The following MYO6 variants were observed in gnomAD, a reference collection of about 807,000 sequenced individuals.
The protein encoded by MYO6 is unconventional myosin-VI.
Under a neutral mutation model 178.7 loss-of-function variants are expected in MYO6, and 74 were observed. The ratio of observed to expected loss-of-function variants is 0.41; its 90% CI spans 0.34 to 0.50. MYO6 has a LOEUF of 0.50. Ranked by LOEUF, MYO6 falls within the 20% of genes least tolerant of loss-of-function variation. The probability of loss-of-function intolerance (pLI) is 0.09; values close to 1 mark genes in which losing one functional copy is unlikely to be tolerated. For missense variants in MYO6, 1,330 were observed against 1,547.4 expected (o/e 0.86, Z 2.36); for synonymous variants, 477 against 504.6 (o/e 0.95, Z 0.73).
chr6:75,835,106 C>T (rs142704562), intron 6 of MYO6, among the ~76,000 whole-genome samples: 26 of 152,196 alleles, frequency 1.7e-4, no homozygotes, highest in East Asian at 1.4e-3. Context: ...CCCAGTTGTT[C>T]GGAGGCAGAT....
chr6:75,786,678 TG>T (rs1240002917), intron 1 of MYO6, among the ~76,000 whole-genome samples: 2 of 152,230 alleles, frequency 1.3e-5, no homozygotes, highest in Non-Finnish European at 2.9e-5. Flanking sequence ...AGTGAATTCC[TG>T]CATACCCTTT....
chr6:75,900,836 A>G (rs1358133697), intron 30 of MYO6, among the ~76,000 whole-genome samples: 1 of 150,928 alleles, frequency 6.6e-6, no homozygotes, highest in Non-Finnish European at 1.5e-5. Flanking sequence ...GGTAATGCCT[A>G]GGTTTTCTTC....
intron 30 of MYO6, among the ~76,000 whole-genome samples, chr6:75,903,766 C>A (rs1257672996): frequency 1.3e-5 from 2 of 151,578 alleles, no homozygotes; most frequent in Non-Finnish European, 2.9e-5. Flanking sequence ...TTGATCCTGT[C>A]ATTATGATGT....
In MYO6 at chr6:75,914,796, A is replaced by T; in HGVS notation, c.3659-17A>T. The T allele has an allele frequency of 6.2e-7, 1 of 1,612,814 alleles. No individual in the cohort carries two copies. The highest frequency in any genetic ancestry group is 8.5e-7 in the Non-Finnish European group (1 of 1,178,808). The stretch of plus-strand genomic sequence containing the variant: ...TGAAGAGAGAGATGGTAATTTTCTG[A>T]TATCTCATGAATACAGGTAAGGACG... On this transcript the variant is annotated splice_polypyrimidine_tract_variant and intron_variant, in intron 34 of 34. Coordinates refer to ENST00000369977, the MANE Select transcript of MYO6 (RefSeq NM_004999.4).
chr6:75,898,233 G>C, intron 29 of MYO6, 140 bp from the exon 30 acceptor site: 1 of 562,728 alleles, frequency 1.8e-6, no homozygotes, highest in African/African-American at 1.9e-5. Context: ...TATATTCTAG[G>C]CATTAACAAA....
chr6:75,756,030 A>C (rs575624026), intron 1 of MYO6, among the ~76,000 whole-genome samples: 1 of 152,302 alleles, frequency 6.6e-6, no homozygotes, highest in Non-Finnish European at 1.5e-5. Flanking sequence ...GCTGTTACCA[A>C]CCTGCTTTGA....
Position 75,817,630 on chromosome 6 carries a change from G to A in MYO6, c.83G>A (p.Ser28Asn). ...MGNIVDIGPD[S>N]LTIEPLNQKG... is the part of the protein sequence containing the mutation. ...AATATTGTGGATATTGGCCCCGACA[G>A]CTTAACAATTGAACCCTTGAATCAG... is the stretch of plus-strand genomic sequence containing the variant. Residue 28 changes from serine to asparagine, a missense_variant, in exon 2 of 35, where the codon AGC becomes AAC. Coordinates refer to ENST00000369977, the MANE Select transcript of MYO6 (RefSeq NM_004999.4). 1 of 1,614,110 alleles carries A rather than the reference G, an allele frequency of 6.2e-7. No homozygotes were observed. The highest frequency in any genetic ancestry group is 8.5e-7 in the Non-Finnish European group (1 of 1,180,002).
At chr6:75,879,729 TA>T in intron 20 of MYO6, 90 bp from the exon 21 acceptor site, 1 of 1,586,108 alleles carries the variant, frequency 6.3e-7, no homozygotes, top group Non-Finnish European at 8.7e-7. Flanking sequence ...TGCCCGTTTC[TA>T]AACAGTATCT....
intron 23 of MYO6, among the ~76,000 whole-genome samples, chr6:75,883,220 T>C (rs1412571703): frequency 2.0e-5 from 3 of 148,148 alleles, no homozygotes; most frequent in African/African-American, 5.0e-5. Flanking sequence ...CAATTTAAGA[T>C]AGTGAAAATA....
intron 11 of MYO6, among the ~76,000 whole-genome samples, chr6:75,853,590 T>C (rs1249438492): frequency 6.6e-6 from 1 of 152,162 alleles, no homozygotes; most frequent in Non-Finnish European, 1.5e-5. Context: ...GAAGAAGCTG[T>C]TCTTTCCTCA....
intron 30 of MYO6, among the ~76,000 whole-genome samples, chr6:75,907,242 G>A (rs1255578254): frequency 6.6e-6 from 1 of 152,164 alleles, no homozygotes; most frequent in Non-Finnish European, 1.5e-5. Context: ...CAAGTGTGTT[G>A]AGGATTTCTT....
chr6:75,908,361 A>G (rs917683769), intron 31 of MYO6, 135 bp from the exon 32 acceptor site: 1 of 780,004 alleles, frequency 1.3e-6, no homozygotes, highest in African/African-American at 1.8e-5. Flanking sequence ...CTTATGAATA[A>G]TTAGCTTACT....
intron 5 of MYO6, among the ~76,000 whole-genome samples, chr6:75,832,449 G>A (rs1421281351): frequency 6.6e-6 from 1 of 152,100 alleles, no homozygotes; most frequent in Admixed American, 6.6e-5. Context: ...TTGGTTGCTA[G>A]ATTTCTTAAT....
intron 1 of MYO6, among the ~76,000 whole-genome samples, chr6:75,800,616 A>C (rs938993371): frequency 6.6e-6 from 1 of 152,200 alleles, no homozygotes; most frequent in Admixed American, 6.5e-5. Flanking sequence ...TTAGGATATG[A>C]AAAGTTTGAG....
chr6:75,803,096 C>T (rs936155182), intron 1 of MYO6, among the ~76,000 whole-genome samples: 8 of 152,062 alleles, frequency 5.3e-5, no homozygotes, highest in African/African-American at 9.7e-5. Context: ...TGGTAATTTA[C>T]GCAGGTGTTT....
chr6:75,754,243 G>A (rs1415667865), intron 1 of MYO6, among the ~76,000 whole-genome samples: 1 of 152,054 alleles, frequency 6.6e-6, no homozygotes, highest in Non-Finnish European at 1.5e-5. Context: ...AACCTGGCTG[G>A]GGCGTGGTGG....
Position 75,891,219 on chromosome 6 carries a change from T to C in MYO6, c.2868-9T>C. On this transcript the variant is annotated splice_polypyrimidine_tract_variant and intron_variant, in intron 26 of 34. Coordinates refer to ENST00000369977, the MANE Select transcript of MYO6 (RefSeq NM_004999.4). ...TTAAATTTTTGAAGAGTTTTCTATT[T>C]TTTATTAGGAAACTTGAGATGGAAG... 1 of 1,583,166 alleles carries C rather than the reference T, an allele frequency of 6.3e-7. No individual in the cohort carries two copies.
At chr6:75,823,233 A>G (rs952845674) in intron 3 of MYO6, among the ~76,000 whole-genome samples, 2 of 152,214 alleles carry the variant, frequency 1.3e-5, no homozygotes, top group African/African-American at 4.8e-5. Flanking sequence ...GTCATTTAAC[A>G]TCACCGTTTG....
chr6:75,779,994 TTCTC>T (rs1309390678), intron 1 of MYO6, among the ~76,000 whole-genome samples: 1 of 152,204 alleles, frequency 6.6e-6, no homozygotes, highest in Non-Finnish European at 1.5e-5. Context: ...TGAAAACAAA[TTCTC>T]TCTGTCTGGC....
Sources: gnomAD v4.1 joint callset for allele counts (sites outside exome capture counted in the v4.1 genomes callset) on GRCh38, gnomAD v4.1.1 for gene constraint, MANE v1.5 for transcripts, NCBI Gene and HGNC (gene_info 2026-07-23, HGNC 2026-07-21) for gene names.